HDAC9: variants seen among roughly 807,000 people sequenced by gnomAD.
The protein encoded by HDAC9 is histone deacetylase 9.
In HDAC9, 41 loss-of-function variants were observed where a neutral mutation model predicts 139.4. The ratio of observed to expected loss-of-function variants is 0.29; its 90% CI spans 0.23 to 0.38. The LOEUF (loss-of-function observed/expected upper bound fraction) is 0.38. Ranked by LOEUF, HDAC9 falls within the 10% of genes least tolerant of loss-of-function variation. HDAC9 has a pLI of 1.00. For missense variants in HDAC9, 1,147 were observed against 1,297.0 expected, an observed-to-expected ratio of 0.88 and a Z score of 1.78; for synonymous variants, 517 against 476.2, an observed-to-expected ratio of 1.09 and a Z score of -1.12.
intron 21 of HDAC9, among the ~76,000 whole-genome samples, chr7:18,839,384 A>C (rs1796442403): frequency 6.6e-6 from 1 of 152,062 alleles, no homozygotes; most frequent in South Asian, 2.1e-4. Flanking sequence ...TTTATGACTT[A>C]AAATACTCAG....
intron 13 of HDAC9, among the ~76,000 whole-genome samples, chr7:18,729,711 A>G (rs1029773753): frequency 6.6e-6 from 1 of 152,168 alleles, no homozygotes; most frequent in Non-Finnish European, 1.5e-5. Flanking sequence ...ACATTTTAGT[A>G]TTTATCAAAG....
intron 6 of HDAC9, 25 bp from the exon 7 acceptor site, chr7:18,629,322 ATTT>A (rs67361882): frequency 1.9e-4 from 234 of 1,258,056 alleles, no homozygotes; most frequent in Admixed American, 7.8e-4. Context: ...ATTTTTATCT[ATTT>A]TTTTTTTTTT....
At chr7:18,675,815 A>G (rs768227672) in intron 12 of HDAC9, among the ~76,000 whole-genome samples, 3 of 151,948 alleles carry the variant, frequency 2.0e-5, no homozygotes, top group Non-Finnish European at 2.9e-5. Flanking sequence ...GGAAGTTCTC[A>G]GGCTGGAATG....
intron 1 of HDAC9, among the ~76,000 whole-genome samples, chr7:18,118,012 G>A (rs956235744): frequency 6.6e-6 from 1 of 152,112 alleles, no homozygotes; most frequent in East Asian, 1.9e-4. Flanking sequence ...AGATCTCTCT[G>A]AGTCTCATTT....
Position 18,835,892 on chromosome 7 carries a change from C to A in HDAC9, c.2587-8C>A. 1 of 1,541,292 alleles carries A rather than the reference C, an allele frequency of 6.5e-7. No individual in the cohort carries two copies. Among genetic ancestry groups the A allele is most frequent in the South Asian group, 1.2e-5 (1 of 83,094 alleles). ...TCTGCCCACCGTGGTGTGTCTTTCT[C>A]TTCCCAGGTTGGAACAGGCCTTGGA... On this transcript the variant is annotated splice_region_variant and splice_polypyrimidine_tract_variant and intron_variant, in intron 20 of 25. Coordinates refer to ENST00000686413, the MANE Select transcript of HDAC9 (RefSeq NM_178425.4).
chr7:18,406,858 T>C (rs1490851015), intron 1 of HDAC9, among the ~76,000 whole-genome samples: 1 of 152,130 alleles, frequency 6.6e-6, no homozygotes. Context: ...AATATAGTGA[T>C]GAAGGACTCT....
chr7:18,898,287 A>G (rs948671347), intron 22 of HDAC9, among the ~76,000 whole-genome samples: 1 of 151,968 alleles, frequency 6.6e-6, no homozygotes, highest in African/African-American at 2.4e-5. Flanking sequence ...GAAGTACATC[A>G]GATTACCTGG....
intron 1 of HDAC9, among the ~76,000 whole-genome samples, chr7:18,418,186 C>T (rs1055029326): frequency 8.5e-5 from 13 of 152,208 alleles, no homozygotes; most frequent in Non-Finnish European, 1.6e-4. Flanking sequence ...TTGTTTCAGG[C>T]AGAAGGGTAA....
chr7:18,621,791 T>A (rs1346182124), intron 6 of HDAC9, among the ~76,000 whole-genome samples: 1 of 152,220 alleles, frequency 6.6e-6, no homozygotes, highest in African/African-American at 2.4e-5. Context: ...GTATGCCAAG[T>A]AGTACTTTTG....
At chr7:18,418,872 T>C (rs1458907525) in intron 1 of HDAC9, among the ~76,000 whole-genome samples, 1 of 152,138 alleles carries the variant, frequency 6.6e-6, no homozygotes, top group Non-Finnish European at 1.5e-5. Context: ...TGGAAACAAC[T>C]GTTTGTATAC....
chr7:18,706,533 G>A (rs1026369650), intron 12 of HDAC9, among the ~76,000 whole-genome samples: 28 of 152,168 alleles, frequency 1.8e-4, no homozygotes, highest in African/African-American at 6.5e-4. Flanking sequence ...CTGGACACTG[G>A]ACAGGATTCT....
At chr7:18,240,933 G>A (rs953629716) in intron 2 of HDAC9, among the ~76,000 whole-genome samples, 1 of 152,114 alleles carries the variant, frequency 6.6e-6, no homozygotes, top group African/African-American at 2.4e-5. Context: ...CTGCTCAGAT[G>A]TCACTGCATC....
chr7:18,306,930 T>A (rs780347721), intron 1 of HDAC9, among the ~76,000 whole-genome samples: 1 of 152,190 alleles, frequency 6.6e-6, no homozygotes, highest in African/African-American at 2.4e-5. Context: ...CCATCTCCCC[T>A]GGTCATCTGA....
intron 22 of HDAC9, among the ~76,000 whole-genome samples, 168 bp from the exon 23 acceptor site, chr7:18,935,641 A>G (rs563850731): frequency 3.9e-5 from 6 of 152,316 alleles, no homozygotes; most frequent in Non-Finnish European, 7.3e-5. Flanking sequence ...TCTGTAAAAT[A>G]GAGATAATAA....
At chr7:18,799,040 GACACACACACACACACACAC>G (rs201166800) in intron 17 of HDAC9, among the ~76,000 whole-genome samples, 24 of 47,584 alleles carry the variant, frequency 5.0e-4, no homozygotes, top group East Asian at 1.0e-3. Context: ...TGTGCCCTAA[GACACACACACACACACACAC>G]ACACACACAC....
chr7:18,899,992 A>G (rs1477402099), intron 22 of HDAC9, among the ~76,000 whole-genome samples: 1 of 152,162 alleles, frequency 6.6e-6, no homozygotes, highest in Non-Finnish European at 1.5e-5. Flanking sequence ...TTCTCTGTAC[A>G]TGGATTTCAA....
rs537970714 is a variant in HDAC9 at position 18,221,716 on chromosome 7, AT to A, written c.25+59377del. ...GACTAAACTAAGAACAGCAATGTTA[AT>A]TTTTTTTTTATGCCTTAGAGATAGG... On this transcript the variant is annotated intron_variant, in intron 2 of 12. Transcript: ENST00000417496. Among the ~76,000 whole-genome samples the A allele has an allele frequency of 1.2e-3, 174 of 150,254 alleles. 1 individual carries two copies. Among genetic ancestry groups the A allele is most frequent in the Middle Eastern group, 6.9e-3 (2 of 288 alleles).
chr7:18,827,995 T>C (rs985674668), intron 17 of HDAC9, among the ~76,000 whole-genome samples: 7 of 152,160 alleles, frequency 4.6e-5, no homozygotes, highest in African/African-American at 1.7e-4. Context: ...TTATCACCAT[T>C]ACTAGATTTC....
At position 18,997,247 on chromosome 7, in the gene HDAC9, C is replaced by T. The variant is rs1786518653; in HGVS notation, c.*1185C>T. On this transcript the variant is annotated 3_prime_UTR_variant, in exon 26 of 26. Coordinates refer to ENST00000686413, the MANE Select transcript of HDAC9 (RefSeq NM_178425.4). ...TTGAAATGTGTTAATGAAGGCACTGCTTATTTGTAGTCACCTTGAACTGAC... is the reference window on the plus strand; with the variant it reads ...TTGAAATGTGTTAATGAAGGCACTGTTTATTTGTAGTCACCTTGAACTGAC... The T allele has an allele frequency of 2.0e-5, 3 of 150,368 alleles. No individual in the cohort carries two copies. The highest frequency in any genetic ancestry group is 7.3e-5 in the African/African-American group (3 of 40,906). 9.3% of individuals were successfully genotyped at this position (150,368 alleles called of 1,614,324 possible).
Sources: gnomAD v4.1 joint callset for allele counts (sites outside exome capture counted in the v4.1 genomes callset) on GRCh38, gnomAD v4.1.1 for gene constraint, MANE v1.5 for transcripts, NCBI Gene and HGNC (gene_info 2026-07-23, HGNC 2026-07-21) for gene names.